EPHB1: variants seen among roughly 807,000 people sequenced by gnomAD.
The protein encoded by EPHB1 is ephrin type-B receptor 1.
A neutral mutation model predicts 94.4 loss-of-function variants in EPHB1; 30 were observed. That is an observed-to-expected ratio of 0.32 (90% CI 0.24 to 0.43). EPHB1 has a LOEUF of 0.43. Among genes scored for constraint, EPHB1 ranks in the 20% least tolerant of loss-of-function variants. The pLI, the probability that EPHB1 is intolerant of heterozygous loss-of-function variation, is 1.00. For missense variants in EPHB1, 1,055 were observed against 1,308.3 expected (o/e 0.81, Z 2.99); for synonymous variants, 522 against 489.1 (o/e 1.07, Z -0.89).
intron 3 of EPHB1, among the ~76,000 whole-genome samples, chr3:135,102,956 T>G (rs1376602665): frequency 1.6e-4 from 25 of 152,020 alleles, no homozygotes; most frequent in Non-Finnish European, 1.5e-5. Flanking sequence ...GAAGGGAACG[T>G]CACACCCTGG....
intron 3 of EPHB1, among the ~76,000 whole-genome samples, chr3:135,039,093 T>G (rs537718888): frequency 1.3e-5 from 2 of 151,900 alleles, no homozygotes; most frequent in Non-Finnish European, 2.9e-5. Flanking sequence ...GATTGGTGCA[T>G]TCACAAACCT....
chr3:135,132,871 TGAC>T lies in EPHB1; in HGVS notation c.1123_1125del (p.Asp375del). On this transcript the variant is annotated inframe_deletion, in exon 5 of 16. Transcript: ENST00000398015. ...CAGACCGCCGGAGCTGCTCCCGCTG[TGAC>T]GACAATGTGGAGTTTGTGCCCAGGC... is the stretch of plus-strand genomic sequence containing the variant. 4 of 1,614,088 alleles carry T rather than the reference TGAC, an allele frequency of 2.5e-6. No homozygotes were observed. The highest frequency in any genetic ancestry group is 3.4e-6 in the Non-Finnish European group (4 of 1,179,912).
At chr3:135,157,548 G>T (rs1248267995) in intron 6 of EPHB1, among the ~76,000 whole-genome samples, 1 of 152,232 alleles carries the variant, frequency 6.6e-6, no homozygotes, top group African/African-American at 2.4e-5. Flanking sequence ...AATGCCTGCA[G>T]CAGCTTCCAC....
Position 135,025,060 on chromosome 3 carries a change from A to G in EPHB1, c.805+73008A>G, listed in dbSNP as rs80062934. 1.5e-3 allele frequency among the ~76,000 whole-genome samples: 222 copies of G among 150,358 alleles called. 2 individuals are homozygous for G. The highest frequency in any genetic ancestry group is 2.3e-3 in the Admixed American group (34 of 15,054). ...TATTTACAACTTTTTTGTTAAATGT[A>G]GCGTGTTTAGATTATTATATCTATA... On this transcript the variant is annotated intron_variant, in intron 3 of 15. Coordinates refer to ENST00000398015, the MANE Select transcript of EPHB1 (RefSeq NM_004441.5).
intron 11 of EPHB1, among the ~76,000 whole-genome samples, chr3:135,200,022 G>A (rs548667093): frequency 1.3e-5 from 2 of 152,264 alleles, no homozygotes; most frequent in South Asian, 2.1e-4. Flanking sequence ...GAGTGCCTAT[G>A]TTTAGCAGTA....
chr3:135,161,891 CTGA>C, intron 6 of EPHB1, 124 bp from the exon 7 acceptor site: 1 of 1,014,544 alleles, frequency 9.9e-7, no homozygotes, highest in Non-Finnish European at 1.4e-6. Flanking sequence ...TGGCCTGGAG[CTGA>C]TGACAACTGC....
At chr3:135,139,743 T>C (rs1470765069) in intron 5 of EPHB1, among the ~76,000 whole-genome samples, 3 of 152,186 alleles carry the variant, frequency 2.0e-5, no homozygotes, top group African/African-American at 7.2e-5. Context: ...CATTCTTACA[T>C]TTCAAAAGTT....
chr3:134,861,261 G>A (rs923791136), intron 1 of EPHB1, among the ~76,000 whole-genome samples: 1 of 152,220 alleles, frequency 6.6e-6, no homozygotes, highest in African/African-American at 2.4e-5. Context: ...TTCAAGAGTT[G>A]TCAAGGGCCA....
At chr3:134,820,289 A>C (rs2036354831) in intron 1 of EPHB1, among the ~76,000 whole-genome samples, 1 of 152,224 alleles carries the variant, frequency 6.6e-6, no homozygotes, top group East Asian at 1.9e-4. Flanking sequence ...TTTAGGGAGC[A>C]CTTAGCAGTA....
chr3:135,106,361 G>A (rs1939218734), intron 3 of EPHB1, 87 bp from the exon 4 acceptor site: 2 of 1,483,266 alleles, frequency 1.3e-6, no homozygotes, highest in African/African-American at 2.8e-5. Flanking sequence ...TCTTTTTAGA[G>A]AGGAAGACAC....
At chr3:135,188,432 T>C (rs1942385743) in intron 10 of EPHB1, among the ~76,000 whole-genome samples, 1 of 151,988 alleles carries the variant, frequency 6.6e-6, no homozygotes, top group Non-Finnish European at 1.5e-5. Flanking sequence ...AAGGCCGAGA[T>C]TGCAGTGAGT....
intron 1 of EPHB1, among the ~76,000 whole-genome samples, chr3:134,897,076 A>G (rs2038099391): frequency 6.6e-6 from 1 of 152,218 alleles, no homozygotes; most frequent in Non-Finnish European, 1.5e-5. Flanking sequence ...GAGGTGATCC[A>G]TGATTCTCTG....
At chr3:135,133,173 A>G in intron 5 of EPHB1, 124 bp downstream of exon 5, 1 of 964,476 alleles carries the variant, frequency 1.0e-6, no homozygotes. Flanking sequence ...CCAGGAGTGA[A>G]GGTGTCAGGT....
At chr3:134,822,786 A>G (rs2036405564) in intron 1 of EPHB1, among the ~76,000 whole-genome samples, 1 of 152,046 alleles carries the variant, frequency 6.6e-6, no homozygotes, top group South Asian at 2.1e-4. Context: ...GTCACCTTGG[A>G]AGAGATTTGT....
intron 2 of EPHB1, among the ~76,000 whole-genome samples, chr3:134,948,842 C>A (rs900333657): frequency 6.6e-6 from 1 of 152,218 alleles, no homozygotes; most frequent in Non-Finnish European, 1.5e-5. Flanking sequence ...TTACCTGTTG[C>A]GTGGAGGATG....
rs1933578201 is a variant in EPHB1 at position 135,260,085 on chromosome 3, G to T, written c.*965G>T. ...TTGCAAATTCAGACAGGAAACAGGTGAGTGGTTTGAATTGGATGCAGTGTG... is the reference window on the plus strand; with the variant it reads ...TTGCAAATTCAGACAGGAAACAGGTTAGTGGTTTGAATTGGATGCAGTGTG... On this transcript the variant is annotated 3_prime_UTR_variant, in exon 16 of 16. Coordinates refer to ENST00000398015, the MANE Select transcript of EPHB1 (RefSeq NM_004441.5). 1 of 233,114 alleles carries T rather than the reference G, an allele frequency of 4.3e-6. No individual in the cohort carries two copies. 14.4% of individuals were successfully genotyped at this position (233,114 alleles called of 1,614,324 possible).
At chr3:135,018,597 A>G (rs984009515) in intron 3 of EPHB1, among the ~76,000 whole-genome samples, 2 of 152,166 alleles carry the variant, frequency 1.3e-5, no homozygotes, top group African/African-American at 4.8e-5. Flanking sequence ...TATTTAGTAG[A>G]TACCTTTGAA....
chr3:134,837,761 G>T (rs1022639360), intron 1 of EPHB1, among the ~76,000 whole-genome samples: 1 of 152,232 alleles, frequency 6.6e-6, no homozygotes, highest in Non-Finnish European at 1.5e-5. Context: ...ATATGAGAGA[G>T]CTAGGTGTTT....
chr3:134,868,927 G>T (rs1355905758), intron 1 of EPHB1, among the ~76,000 whole-genome samples: 2 of 152,366 alleles, frequency 1.3e-5, no homozygotes, highest in East Asian at 3.9e-4. Context: ...TGCATTTGAG[G>T]TTCTAGGCCT....
Sources: gnomAD v4.1 joint callset for allele counts (sites outside exome capture counted in the v4.1 genomes callset) on GRCh38, gnomAD v4.1.1 for gene constraint, MANE v1.5 for transcripts, NCBI Gene and HGNC (gene_info 2026-07-23, HGNC 2026-07-21) for gene names.